PTPRD: variants seen among roughly 807,000 people sequenced by gnomAD.
The protein encoded by PTPRD is receptor-type tyrosine-protein phosphatase delta.
A neutral mutation model predicts 214.5 loss-of-function variants in PTPRD; 34 were observed. That is an observed-to-expected ratio of 0.16 (90% CI 0.12 to 0.21). The LOEUF (loss-of-function observed/expected upper bound fraction) is 0.21, where lower values mean the gene tolerates loss of function less well. Ranked by LOEUF, PTPRD falls within the 10% of genes least tolerant of loss-of-function variation. The probability of loss-of-function intolerance (pLI) is 1.00; values close to 1 mark genes in which losing one functional copy is unlikely to be tolerated. For synonymous variants in PTPRD, 1,128 were observed against 845.7 expected, an observed-to-expected ratio of 1.33 and a Z score of -5.79; for missense variants, 2,545 against 2,398.7, an observed-to-expected ratio of 1.06 and a Z score of -1.27.
rs181371726 is a variant in PTPRD, at chr9:9,788,594, G to A, written c.-367-21743C>T. Among the ~76,000 whole-genome samples, 619 of 149,720 alleles carry A rather than the reference G, an allele frequency of 4.1e-3. 5 individuals are homozygous for A. Among genetic ancestry groups the A allele is most frequent in the African/African-American group, 0.014 (591 of 40,796 alleles). On this transcript the variant is annotated intron_variant, in intron 5 of 45. Transcript: ENST00000381196. ...AGAAAAAAAAAAGAAAACTAAAACAGCTTTCTAAGGGGTGGTAATGGATTT... is the reference window on the plus strand; with the variant it reads ...AGAAAAAAAAAAGAAAACTAAAACAACTTTCTAAGGGGTGGTAATGGATTT...
At chr9:8,450,489 T>C (rs1564898126) in intron 33 of PTPRD, among the ~76,000 whole-genome samples, 1 of 152,202 alleles carries the variant, frequency 6.6e-6, no homozygotes, top group Non-Finnish European at 1.5e-5. Flanking sequence ...CTGTGATTAA[T>C]ATTTTGTTAA....
intron 14 of PTPRD, among the ~76,000 whole-genome samples, chr9:8,550,180 T>A (rs573502461): frequency 1.3e-5 from 2 of 152,318 alleles, no homozygotes; most frequent in East Asian, 3.9e-4. Flanking sequence ...TCATGTTCTA[T>A]TGGCTTATGA....
intron 39 of PTPRD, among the ~76,000 whole-genome samples, chr9:8,374,037 T>G (rs1157100139): frequency 6.6e-6 from 1 of 151,602 alleles, no homozygotes; most frequent in Non-Finnish European, 1.5e-5. Flanking sequence ...CATCATGCTG[T>G]TTTTCAGTGA....
At chr9:8,911,388 A>C (rs7875809) in intron 11 of PTPRD, among the ~76,000 whole-genome samples, 1 of 151,670 alleles carries the variant, frequency 6.6e-6, no homozygotes, top group Non-Finnish European at 1.5e-5. Flanking sequence ...CTGGATGCCC[A>C]TGTGTGTGTC....
intron 7 of PTPRD, among the ~76,000 whole-genome samples, chr9:9,628,558 T>C (rs1230221973): frequency 6.6e-6 from 1 of 152,132 alleles, no homozygotes; most frequent in African/African-American, 2.4e-5. Flanking sequence ...TCACTCCCCT[T>C]GGCAAAAGCT....
intron 4 of PTPRD, among the ~76,000 whole-genome samples, chr9:10,026,948 A>G (rs1214979844): frequency 6.6e-6 from 1 of 152,158 alleles, no homozygotes; most frequent in Non-Finnish European, 1.5e-5. Flanking sequence ...TGACAGAGAA[A>G]TAGCTCCAAT....
chr9:9,112,229 T>C (rs2099807111), intron 10 of PTPRD, among the ~76,000 whole-genome samples: 2 of 152,178 alleles, frequency 1.3e-5, no homozygotes, highest in African/African-American at 4.8e-5. Context: ...AGCATCTCAC[T>C]GGGTGCCCTC....
chr9:8,733,743 T>G, intron 12 of PTPRD, 37 bp downstream of exon 12: 2 of 1,549,788 alleles, frequency 1.3e-6, no homozygotes, highest in South Asian at 2.4e-5. Context: ...CCACTCATTA[T>G]GGTCACAGCC....
intron 3 of PTPRD, among the ~76,000 whole-genome samples, chr9:10,213,552 A>G (rs1006306934): frequency 7.9e-5 from 12 of 152,280 alleles, no homozygotes; most frequent in African/African-American, 2.4e-4. Context: ...AGAGAGCAAG[A>G]TATAGTATTT....
At chr9:9,205,625 AT>A (rs1280891823) in intron 9 of PTPRD, among the ~76,000 whole-genome samples, 1 of 152,152 alleles carries the variant, frequency 6.6e-6, no homozygotes, top group Non-Finnish European at 1.5e-5. Context: ...CTAAGCATAC[AT>A]TTTATATCTT....
chr9:8,849,715 G>A (rs1030252237), intron 11 of PTPRD, among the ~76,000 whole-genome samples: 5 of 152,196 alleles, frequency 3.3e-5, no homozygotes, highest in Non-Finnish European at 7.3e-5. Context: ...TGACTGCAGG[G>A]AATGTGATAC....
intron 6 of PTPRD, among the ~76,000 whole-genome samples, chr9:9,743,559 G>C (rs546153843): frequency 9.7e-4 from 147 of 151,914 alleles, no homozygotes; most frequent in Non-Finnish European, 1.5e-3. Context: ...CATTTCTCTG[G>C]TACCATAAAT....
At chr9:10,388,387 A>G (rs1240022251) in intron 2 of PTPRD, among the ~76,000 whole-genome samples, 1 of 151,526 alleles carries the variant, frequency 6.6e-6, no homozygotes, top group Non-Finnish European at 1.5e-5. Context: ...TCTTGGCAGG[A>G]GAAGTGACTA....
At chr9:9,816,426 T>A (rs1040175141) in intron 5 of PTPRD, among the ~76,000 whole-genome samples, 3 of 152,110 alleles carry the variant, frequency 2.0e-5, no homozygotes, top group East Asian at 3.8e-4. Flanking sequence ...AGCTATCTAA[T>A]GCATCATAAT....
chr9:9,956,084 T>C (rs918816749), intron 4 of PTPRD, among the ~76,000 whole-genome samples: 2 of 152,150 alleles, frequency 1.3e-5, no homozygotes, highest in African/African-American at 4.8e-5. Context: ...TAAAAAAATA[T>C]ATAGATTTTG....
At chr9:10,136,109 T>C (rs2098941291) in intron 3 of PTPRD, among the ~76,000 whole-genome samples, 1 of 151,798 alleles carries the variant, frequency 6.6e-6, no homozygotes, top group East Asian at 1.9e-4. Flanking sequence ...AAGCACACTT[T>C]AAACCAAAAA....
At chr9:8,711,856 C>T (rs188977151) in intron 12 of PTPRD, among the ~76,000 whole-genome samples, 37 of 152,234 alleles carry the variant, frequency 2.4e-4, no homozygotes, top group African/African-American at 7.2e-4. Context: ...AACTGTGATA[C>T]GGATATAATG....
chr9:8,435,112 G>C (rs1374974594), intron 35 of PTPRD, among the ~76,000 whole-genome samples: 1 of 152,196 alleles, frequency 6.6e-6, no homozygotes, highest in Admixed American at 6.5e-5. Flanking sequence ...TATGCAAACT[G>C]AATGAAACGT....
intron 2 of PTPRD, among the ~76,000 whole-genome samples, chr9:10,487,966 G>GTCTCCCTCTCTCTCTCTC (rs1491332095): frequency 9.1e-6 from 1 of 110,270 alleles, no homozygotes; most frequent in African/African-American, 3.9e-5. Context: ...AATGAACACA[G>GTCTCCCTCTCTCTCTCTC]TCTCTCTCTC....
Sources: allele counts gnomAD v4.1 joint callset (sites outside exome capture counted in the v4.1 genomes callset), GRCh38; gene constraint gnomAD v4.1.1; transcripts MANE v1.5; gene names NCBI Gene and HGNC (gene_info 2026-07-23, HGNC 2026-07-21).